Variants in KIF5C observed in about 807,000 individuals in gnomAD.
KIF5C encodes the protein kinesin family member 5C.
A neutral mutation model predicts 125.2 loss-of-function variants in KIF5C; 18 were observed. The ratio of observed to expected loss-of-function variants is 0.14; its 90% CI spans 0.10 to 0.21. The LOEUF (loss-of-function observed/expected upper bound fraction) is 0.21. Ranked by LOEUF, KIF5C falls within the 10% of genes least tolerant of loss-of-function variation. The pLI is 1.00. For synonymous variants in KIF5C, 405 were observed against 434.0 expected, an observed-to-expected ratio of 0.93 and a Z score of 0.83; for missense variants, 780 against 1,183.8, an observed-to-expected ratio of 0.66 and a Z score of 5.01.
intron 23 of KIF5C, among the ~76,000 whole-genome samples, chr2:149,009,114 C>G (rs1455199041): frequency 6.6e-6 from 1 of 151,016 alleles, no homozygotes; most frequent in Non-Finnish European, 1.5e-5. Context: ...CTCAGCCTCC[C>G]GAGTAGCTGG....
chr2:148,894,725 G>T (rs1217493263), intron 1 of KIF5C, among the ~76,000 whole-genome samples: 2 of 149,804 alleles, frequency 1.3e-5, no homozygotes, highest in Non-Finnish European at 2.9e-5. Context: ...TATATATAGG[G>T]TGGGAGGGAA....
chr2:148,885,933 T>C (rs938228697), intron 1 of KIF5C: 1 of 152,210 alleles, frequency 6.6e-6, no homozygotes, highest in African/African-American at 2.4e-5. Flanking sequence ...GTCTCTCCCA[T>C]TTCCAGGTCT....
chr2:148,884,976 T>G lies in KIF5C; in HGVS notation c.126+9233T>G, dbSNP rs1681472872. On this transcript the variant is annotated intron_variant, in intron 1 of 25. Coordinates refer to ENST00000435030, the MANE Select transcript of KIF5C (RefSeq NM_004522.3). ...ACAATGGCCATGTCCTAATTGTTTT[T>G]TTTTTTTTTTTTGAGACGGATTCTC... Among the ~76,000 whole-genome samples, 5 of 150,980 alleles carry G rather than the reference T, an allele frequency of 3.3e-5. No individual in the cohort carries two copies. The South Asian group carries it at 1.1e-3, about 32-fold the overall frequency.
chr2:148,925,089 T>C (rs1161075017), intron 2 of KIF5C, among the ~76,000 whole-genome samples: 1 of 152,106 alleles, frequency 6.6e-6, no homozygotes, highest in Non-Finnish European at 1.5e-5. Flanking sequence ...TTGATTTTGA[T>C]TGGGAGAGGG....
chr2:148,994,319 C>T (rs1042520405), intron 16 of KIF5C, 102 bp from the exon 17 acceptor site: 15 of 1,462,358 alleles, frequency 1.0e-5, no homozygotes, highest in African/African-American at 1.4e-5. Flanking sequence ...AGAAAAGGGA[C>T]TCAGGAACCC....
chr2:148,942,452 G>C (rs983102268), intron 6 of KIF5C, among the ~76,000 whole-genome samples: 1 of 152,122 alleles, frequency 6.6e-6, no homozygotes, highest in African/African-American at 2.4e-5. Context: ...AAATTTGACA[G>C]TTCTTTTTTT....
chr2:148,985,376 G>A (rs143023997), intron 15 of KIF5C, among the ~76,000 whole-genome samples: 6 of 152,204 alleles, frequency 3.9e-5, no homozygotes, highest in South Asian at 2.1e-4. Context: ...AAATTTTGAC[G>A]TATGTGTACA....
intron 25 of KIF5C, among the ~76,000 whole-genome samples, chr2:149,018,162 G>A (rs150054402): frequency 7.9e-5 from 12 of 151,512 alleles, no homozygotes; most frequent in Non-Finnish European, 1.0e-4. Flanking sequence ...GGTAGTGCAT[G>A]CCTGTAGCTC....
In KIF5C at chr2:148,930,223, A is replaced by G. The variant is rs932576071; in HGVS notation, c.291+869A>G. Among the ~76,000 whole-genome samples, 3 of 152,136 alleles carry G rather than the reference A, an allele frequency of 2.0e-5. 1 individual carries two copies. The highest frequency in any genetic ancestry group is 4.4e-5 in the Non-Finnish European group (3 of 68,016). On this transcript the variant is annotated intron_variant, in intron 3 of 25. Coordinates refer to ENST00000435030, the MANE Select transcript of KIF5C (RefSeq NM_004522.3). ...CTGCTCCCTGAAGGCACTTCAGGGT[A>G]TGACCCCAGCTCCAGTTGTTGGCTG...
chr2:148,886,543 C>G (rs757656887), intron 1 of KIF5C, among the ~76,000 whole-genome samples: 10 of 152,130 alleles, frequency 6.6e-5, no homozygotes, highest in Non-Finnish European at 1.0e-4. Context: ...TGCTTGGATA[C>G]CTGGAGTATC....
chr2:148,996,229 G>T (rs1681668759), intron 17 of KIF5C, among the ~76,000 whole-genome samples: 1 of 152,182 alleles, frequency 6.6e-6, no homozygotes, highest in Non-Finnish European at 1.5e-5. Context: ...TAGGGTAGTT[G>T]GGATTGGTGA....
At chr2:148,890,927 G>T (rs1167206018) in intron 1 of KIF5C, among the ~76,000 whole-genome samples, 1 of 152,042 alleles carries the variant, frequency 6.6e-6, no homozygotes, top group Non-Finnish European at 1.5e-5. Context: ...ACATTGTTCT[G>T]GCTACTGGTT....
chr2:148,959,988 G>C (rs992566755), intron 10 of KIF5C, among the ~76,000 whole-genome samples: 6 of 152,150 alleles, frequency 3.9e-5, no homozygotes, highest in Admixed American at 3.3e-4. Flanking sequence ...AGTCCCTAAT[G>C]TGGGTACCAC....
chr2:148,997,947 C>T, intron 18 of KIF5C: 1 of 169,362 alleles, frequency 5.9e-6, no homozygotes, highest in East Asian at 1.6e-4. Context: ...TTTCAGAGTG[C>T]TGTTGCCAAA....
chr2:148,885,077 C>T (rs142597212), intron 1 of KIF5C, among the ~76,000 whole-genome samples: 1,743 of 152,046 alleles, frequency 0.011, 15 homozygotes, highest in Non-Finnish European at 0.018. Flanking sequence ...ACTGCAACCT[C>T]CGCCTCCCAG....
At chr2:149,011,788 C>G in intron 25 of KIF5C, 105 bp downstream of exon 25, 1 of 1,465,676 alleles carries the variant, frequency 6.8e-7, no homozygotes, top group South Asian at 1.3e-5. Flanking sequence ...GAGTTCTGCT[C>G]TACTCCAGCA....
chr2:148,979,464 G>C lies in KIF5C; in HGVS notation c.1362+474G>C, dbSNP rs116272194. 5.5e-3 allele frequency among the ~76,000 whole-genome samples: 840 copies of C among 152,240 alleles called. 5 individuals carry two copies. The highest frequency in any genetic ancestry group is 0.019 in the African/African-American group (799 of 41,534). Reference sequence around the variant, plus strand: ...GCTAATTTTTTAATATTTTGAGACAGAGTTTCTCTATGTTGGTCAGGGTGA... The same window carrying C: ...GCTAATTTTTTAATATTTTGAGACACAGTTTCTCTATGTTGGTCAGGGTGA... On this transcript the variant is annotated intron_variant, in intron 13 of 25. Coordinates refer to ENST00000435030, the MANE Select transcript of KIF5C (RefSeq NM_004522.3).
intron 1 of KIF5C, among the ~76,000 whole-genome samples, chr2:148,897,565 G>A (rs1409474587): frequency 6.6e-6 from 1 of 152,086 alleles, no homozygotes; most frequent in Non-Finnish European, 1.5e-5. Context: ...CTAGGTACCA[G>A]TGAAATAAAT....
Position 148,994,465 on chromosome 2 carries a change from G to C in KIF5C, c.1950G>C (p.Met650Ile). The stretch of plus-strand genomic sequence containing the variant: ...CTCTGACAGACTACATGCAGAACAT[G>C]GAACAGAAGAGGAGGCAGCTAGAAG... ...IKSLTDYMQN[M>I]EQKRRQLEES... The change falls in exon 17 of 26, where the codon ATG becomes ATC. Residue 650 changes from methionine (M) to isoleucine (I), a missense_variant. Physicochemically the swap from Met to Ile is conservative, Grantham distance 10. Transcript: ENST00000435030. The C allele has an allele frequency of 6.3e-7, 1 of 1,576,732 alleles. No homozygotes were observed. Among genetic ancestry groups the C allele is most frequent in the Non-Finnish European group, 8.6e-7 (1 of 1,161,258 alleles).
Sources: allele counts gnomAD v4.1 joint callset (sites outside exome capture counted in the v4.1 genomes callset), GRCh38; gene constraint gnomAD v4.1.1; transcripts MANE v1.5; gene names NCBI Gene and HGNC (gene_info 2026-07-23, HGNC 2026-07-21).